Variants in GSG1L observed in about 807,000 individuals in gnomAD.
The protein encoded by GSG1L is germ cell-specific gene 1-like protein.
A neutral mutation model predicts 42.1 loss-of-function variants in GSG1L; 24 were observed. That is an observed-to-expected ratio of 0.57 (90% CI 0.41 to 0.80). The LOEUF (loss-of-function observed/expected upper bound fraction) is 0.80, where lower values mean the gene tolerates loss of function less well. Among genes scored for constraint, GSG1L ranks in the 30% least tolerant of loss-of-function variants. The probability of loss-of-function intolerance (pLI) is 0.00; values close to 1 mark genes in which losing one functional copy is unlikely to be tolerated. For missense variants in GSG1L, 445 were observed against 472.2 expected, an observed-to-expected ratio of 0.94 and a Z score of 0.53; for synonymous variants, 215 against 203.5, an observed-to-expected ratio of 1.06 and a Z score of -0.48.
chr16:27,932,412 A>G (rs755001447), intron 2 of GSG1L, among the ~76,000 whole-genome samples: 3 of 152,108 alleles, frequency 2.0e-5, no homozygotes, highest in African/African-American at 4.8e-5. Flanking sequence ...TGATGCTGAC[A>G]TCTGCTTGGC....
chr16:27,831,749 A>G (rs1419105645), intron 4 of GSG1L, among the ~76,000 whole-genome samples: 1 of 152,212 alleles, frequency 6.6e-6, no homozygotes, highest in African/African-American at 2.4e-5. Flanking sequence ...AGAAAAGCCT[A>G]CATCCCCGCC....
chr16:27,943,678 T>C (rs34262704), intron 2 of GSG1L, among the ~76,000 whole-genome samples: 9,779 of 142,238 alleles, frequency 0.069, 432 homozygotes, highest in Middle Eastern at 0.18. Context: ...GGGTTCAAGC[T>C]ATTCTTATGC....
intron 1 of GSG1L, among the ~76,000 whole-genome samples, chr16:28,017,151 G>T (rs1224966987): frequency 6.6e-6 from 1 of 152,150 alleles, no homozygotes; most frequent in Non-Finnish European, 1.5e-5. Context: ...CAAAGATAAA[G>T]ACCAGGACTG....
At chr16:27,988,781 C>G (rs1229162193) in intron 1 of GSG1L, among the ~76,000 whole-genome samples, 2 of 150,424 alleles carry the variant, frequency 1.3e-5, no homozygotes, top group Non-Finnish European at 3.0e-5. Context: ...AGGGCTGGGC[C>G]TGGTGGCTCA....
At chr16:28,038,768 G>A (rs758065906) in intron 1 of GSG1L, among the ~76,000 whole-genome samples, 20 of 152,172 alleles carry the variant, frequency 1.3e-4, no homozygotes, top group African/African-American at 4.3e-4. Context: ...AACCTGGCAC[G>A]TTATACCAGC....
intron 3 of GSG1L, among the ~76,000 whole-genome samples, chr16:27,856,634 G>A (rs890040560): frequency 3.3e-5 from 5 of 152,198 alleles, no homozygotes; most frequent in Non-Finnish European, 5.9e-5. Context: ...TTTTACAATG[G>A]TAATTTCTTT....
At chr16:27,966,389 C>T (rs986393983) in intron 1 of GSG1L, among the ~76,000 whole-genome samples, 7 of 152,136 alleles carry the variant, frequency 4.6e-5, no homozygotes, top group Non-Finnish European at 7.4e-5. Flanking sequence ...GCTGTAGTCC[C>T]AGCTACTGGG....
Position 28,040,129 on chromosome 16 carries a change from C to T in GSG1L, c.349+22947G>A, listed in dbSNP as rs1274829436. On this transcript the variant is annotated intron_variant, in intron 1 of 6. Coordinates refer to ENST00000447459, the MANE Select transcript of GSG1L (RefSeq NM_001109763.2). This position sits in a 1 kb window ranked among gnomAD's most constrained non-coding sequence, Gnocchi z 4.1. ...CGTCACCCTTCTCCACACCCATCAC[C>T]ATGGCCCTAGCTGCCATCGTCTCCT... 6.6e-6 allele frequency among the ~76,000 whole-genome samples: 1 copy of T among 152,152 alleles called. No individual in the cohort carries two copies. The highest frequency in any genetic ancestry group is 1.9e-4 in the East Asian group (1 of 5,198).
rs370220692 is a variant in GSG1L, at chr16:28,033,534, A to G, written c.349+29542T>C. On this transcript the variant is annotated intron_variant, in intron 1 of 6. Transcript: ENST00000447459. ...AAGAAAAAAGTAAGGTAGGAAGGGGAGGAGGAAAGGAGGGGAAAGGGAGAA... is the reference window on the plus strand; with the variant it reads ...AAGAAAAAAGTAAGGTAGGAAGGGGGGGAGGAAAGGAGGGGAAAGGGAGAA... 3.9e-5 allele frequency among the ~76,000 whole-genome samples: 6 copies of G among 152,198 alleles called. No individual in the cohort carries two copies. The South Asian group carries it at 1.2e-3, about 32-fold the overall frequency.
At chr16:27,946,625 G>GAGAA (rs2084870766) in intron 2 of GSG1L, among the ~76,000 whole-genome samples, 1 of 39,210 alleles carries the variant, frequency 2.6e-5, no homozygotes, top group African/African-American at 8.8e-5. Flanking sequence ...GAGAGAGAGA[G>GAGAA]AGAGAGAAAG....
At chr16:27,800,779 A>G (rs978267003) in intron 6 of GSG1L, among the ~76,000 whole-genome samples, 3 of 152,220 alleles carry the variant, frequency 2.0e-5, no homozygotes, top group Non-Finnish European at 4.4e-5. Flanking sequence ...ACAGCCAACA[A>G]TTAAGCACCT....
In GSG1L at chr16:27,844,897, C is replaced by T. The variant is rs77280650; in HGVS notation, c.662+53G>A. On this transcript the variant is annotated intron_variant, in intron 4 of 6. Coordinates refer to ENST00000447459, the MANE Select transcript of GSG1L (RefSeq NM_001109763.2). ...CTGGGCTGAGCTGCTGAAGTCCCAG[C>T]GTGCCTTGGGCCCTGGTGCCTGAAG... The T allele has an allele frequency of 2.5e-3, 2,267 of 916,208 alleles. 53 individuals carry two copies. The African/African-American group carries it at 0.033, about 13-fold the overall frequency. The allele number at this position is 916,208 out of a possible 1,614,324, so 56.8% of individuals were successfully genotyped here.
chr16:27,956,672 C>T (rs2085008149), intron 2 of GSG1L, among the ~76,000 whole-genome samples: 1 of 152,124 alleles, frequency 6.6e-6, no homozygotes, highest in Non-Finnish European at 1.5e-5. Context: ...CATGAAAAAA[C>T]CTCCACCAAG....
intron 1 of GSG1L, among the ~76,000 whole-genome samples, chr16:28,000,759 T>A (rs1255963899): frequency 3.3e-5 from 5 of 152,260 alleles, no homozygotes. Flanking sequence ...ATACTGCTCC[T>A]TCCTGGATAC....
At chr16:27,882,064 T>G (rs533339117) in intron 3 of GSG1L, among the ~76,000 whole-genome samples, 1 of 152,276 alleles carries the variant, frequency 6.6e-6, no homozygotes, top group South Asian at 2.1e-4. Flanking sequence ...GTAGTTCCCA[T>G]AATTCCCACG....
intron 2 of GSG1L, among the ~76,000 whole-genome samples, chr16:27,911,290 TCTCTC>T (rs1170360707): frequency 0.012 from 1,702 of 141,928 alleles, 31 homozygotes; most frequent in African/African-American, 0.045. Context: ...TCTCTCTCTC[TCTCTC>T]CTCTCTCTCT....
chr16:27,796,033 TAGAG>T (rs1256376868), intron 6 of GSG1L, among the ~76,000 whole-genome samples: 1 of 152,124 alleles, frequency 6.6e-6, no homozygotes, highest in African/African-American at 2.4e-5. Context: ...CTGAGGCACT[TAGAG>T]GGAAACTGAC....
intron 2 of GSG1L, among the ~76,000 whole-genome samples, chr16:27,933,897 T>A (rs2084684462): frequency 6.6e-6 from 1 of 152,196 alleles, no homozygotes; most frequent in Admixed American, 6.5e-5. Flanking sequence ...CAACCCTCGA[T>A]CTGCTGGTAG....
intron 1 of GSG1L, among the ~76,000 whole-genome samples, chr16:28,007,946 G>C (rs1428187170): frequency 6.6e-6 from 1 of 152,146 alleles, no homozygotes; most frequent in East Asian, 1.9e-4. Flanking sequence ...AAGAAATGAG[G>C]ATTGCCAGAC....
Sources: allele counts gnomAD v4.1 joint callset (sites outside exome capture counted in the v4.1 genomes callset), GRCh38; gene constraint gnomAD v4.1.1; non-coding constraint Gnocchi (gnomAD v3.1); transcripts MANE v1.5; gene names NCBI Gene and HGNC (gene_info 2026-07-23, HGNC 2026-07-21).